Variants in IFIH1 observed in about 807,000 individuals in gnomAD.
IFIH1 encodes the protein interferon induced with helicase C domain 1, also known as interferon-induced helicase C domain-containing protein 1.
A neutral mutation model predicts 107.4 loss-of-function variants in IFIH1; 125 were observed. The ratio of observed to expected loss-of-function variants is 1.16; its 90% confidence interval spans 1.01 to 1.35. The LOEUF (loss-of-function observed/expected upper bound fraction) is 1.35. Ranked by LOEUF, IFIH1 falls within the 40% of genes most tolerant of loss-of-function variation. The pLI is 0.00. For missense variants in IFIH1, 1,333 were observed against 1,213.7 expected (o/e 1.10, Z -1.46); for synonymous variants, 458 against 413.2 (o/e 1.11, Z -1.31).
intron 3 of IFIH1, among the ~76,000 whole-genome samples, chr2:162,301,977 C>A (rs1683201052): frequency 6.6e-6 from 1 of 152,090 alleles, no homozygotes; most frequent in South Asian, 2.1e-4. Flanking sequence ...AATTACTAAC[C>A]ACTTTTTTAA....
chr2:162,299,348 T>C (rs73971815), intron 3 of IFIH1, among the ~76,000 whole-genome samples: 22,425 of 152,130 alleles, frequency 0.15, 3,994 homozygotes, highest in African/African-American at 0.4. Context: ...TGGTAAGCAC[T>C]TTTCAGGAAA....
chr2:162,302,089 A>T (rs1485285012), intron 3 of IFIH1, among the ~76,000 whole-genome samples: 3 of 152,146 alleles, frequency 2.0e-5, no homozygotes, highest in African/African-American at 7.2e-5. Flanking sequence ...AGAACAATCC[A>T]CTAGAGAACT....
chr2:162,288,242 G>C lies in IFIH1; in HGVS notation c.988C>G (p.Pro330Ala). The C allele has an allele frequency of 6.2e-7, 1 of 1,612,706 alleles. No individual in the cohort carries two copies. The highest frequency in any genetic ancestry group is 8.5e-7 in the Non-Finnish European group (1 of 1,179,144). Residue 330 changes from proline (P) to alanine (A), a missense_variant, in exon 5 of 16, where the codon CCT becomes GCT. Physicochemically the swap from Pro to Ala is conservative, Grantham distance 27 (BLOSUM62 -1). Coordinates refer to ENST00000649979, the MANE Select transcript of IFIH1 (RefSeq NM_022168.4). ...ACTCTGGTTTTTCCACTCCCTGTAG[G>C]GAGGCAGATGATGATATTCTTCCCT... is the stretch of plus-strand genomic sequence containing the variant. Reference protein sequence around the residue: ...LEGKNIIICLPTGSGKTRVAV... With the variant: ...LEGKNIIICLATGSGKTRVAV...
At position 162,267,135 on chromosome 2, in the gene IFIH1, T is replaced by C. The variant is rs1428828552; in HGVS notation, c.*65A>G. ...TATGTCAGTTCTGTAGCATAATGAA[T>C]ACATTAATCATAATCATATTAAATG... On this transcript the variant is annotated 3_prime_UTR_variant, in exon 16 of 16. Transcript: ENST00000649979. 4.4e-6 allele frequency: 5 copies of C among 1,149,060 alleles called. No individual in the cohort carries two copies. The highest frequency in any genetic ancestry group is 6.2e-6 in the Non-Finnish European group (5 of 804,764). 71.2% of individuals were successfully genotyped at this position (1,149,060 alleles called of 1,614,324 possible).
chr2:162,286,095 C>A (rs1311830068), intron 5 of IFIH1, among the ~76,000 whole-genome samples: 1 of 151,782 alleles, frequency 6.6e-6, no homozygotes, highest in East Asian at 1.9e-4. Context: ...TTAAGAGTGT[C>A]CCAGAAAAAT....
chr2:162,276,439 C>CA (rs1212207643), intron 11 of IFIH1, among the ~76,000 whole-genome samples: 1 of 151,818 alleles, frequency 6.6e-6, no homozygotes, highest in East Asian at 1.9e-4. Flanking sequence ...ACCTTTTCTA[C>CA]AAAAAAGATA....
At chr2:162,286,414 G>C (rs911345882) in intron 5 of IFIH1, among the ~76,000 whole-genome samples, 2 of 151,880 alleles carry the variant, frequency 1.3e-5, no homozygotes, top group African/African-American at 4.8e-5. Context: ...CTTGATATTA[G>C]GAAGTTACCC....
chr2:162,306,787 G>T lies in IFIH1; in HGVS notation c.691C>A (p.Pro231Thr), dbSNP rs749404410. Residue 231 changes from proline to threonine, a missense_variant, in exon 3 of 16, where the codon CCA becomes ACA. Transcript: ENST00000649979. The stretch of plus-strand genomic sequence containing the variant: ...CCCCAGACCTCCTTCTCCAGATTTG[G>T]CTGAACTGTGGTTGAAAGAAGTTGC... ...EEQLLSTTVQ[P>T]NLEKEVWGME... The T allele has an allele frequency of 7.4e-6, 12 of 1,613,682 alleles. 1 individual carries two copies. The East Asian group carries it at 2.7e-4, about 36-fold the overall frequency.
chr2:162,267,971 G>C, intron 14 of IFIH1, 116 bp downstream of exon 14: 1 of 663,742 alleles, frequency 1.5e-6, no homozygotes. Context: ...AGAGGCTAAA[G>C]GAGAGGAAGT....
intron 2 of IFIH1, 33 bp from the exon 3 acceptor site, chr2:162,306,888 G>A: frequency 6.2e-7 from 1 of 1,605,012 alleles, no homozygotes; most frequent in South Asian, 1.1e-5. Flanking sequence ...GCAAATCATA[G>A]TGCCATACAA....
In IFIH1 at chr2:162,276,918, A is replaced by T. The variant is rs1682679580; in HGVS notation, c.2073T>A (p.Ala691=). 6.2e-7 allele frequency: 1 copy of T among 1,607,022 alleles called. No homozygotes were observed. ...FENNKMLKRL[A]ENPEYENEKL... ...TTTCATTTTCATATTCTGGGTTTTC[A>T]GCCAGCCTTTTCAACATTTTATTGT... The change falls in exon 11 of 16, where the codon GCT becomes GCA. Residue 691 remains alanine (A), a synonymous_variant. Transcript: ENST00000649979.
rs1027597392 is a variant in IFIH1, at chr2:162,268,368, G to T, written c.2617-91C>A. ...AGTCTCCTGAAATTTGGAGGTCTTA[G>T]TTGTGAAAATATACCCTTAGCTTAT... On this transcript the variant is annotated intron_variant, in intron 13 of 15. Coordinates refer to ENST00000649979, the MANE Select transcript of IFIH1 (RefSeq NM_022168.4). The T allele has an allele frequency of 2.8e-5, 22 of 796,878 alleles. No homozygotes were observed. The African/African-American group carries it at 3.6e-4, about 13-fold the overall frequency. The allele number at this position is 796,878 out of a possible 1,614,324, so 49.4% of individuals were successfully genotyped here. A position where few individuals can be genotyped will look rare whatever the true frequency, so the allele number is the denominator to read the frequency against.
chr2:162,318,188 T>C lies in IFIH1; in HGVS notation c.120A>G (p.Ala40=), dbSNP rs1457696189. The C allele has an allele frequency of 1.2e-6, 2 of 1,614,200 alleles. No individual in the cohort carries two copies. The highest frequency in any genetic ancestry group is 1.7e-6 in the Non-Finnish European group (2 of 1,180,032). ...PVLDYLTFLP[A]EVKEQIQRTV... ...TCCTCTGAATCTGCTCCTTCACCTC[T>C]GCAGGCAGAAAGGTCAGGTAGTCCA... The change falls in exon 1 of 16, where the codon GCA becomes GCG. Residue 40 remains alanine (A), a synonymous_variant. Transcript: ENST00000649979.
chr2:162,271,229 A>G (rs1279110482), intron 13 of IFIH1, among the ~76,000 whole-genome samples: 1 of 152,078 alleles, frequency 6.6e-6, no homozygotes, highest in African/African-American at 2.4e-5. Flanking sequence ...CTTCTAAGAG[A>G]CCTTCCTCAA....
chr2:162,297,923 T>C (rs1438681290), intron 3 of IFIH1, among the ~76,000 whole-genome samples: 5 of 152,144 alleles, frequency 3.3e-5, no homozygotes, highest in Non-Finnish European at 1.5e-5. Context: ...TCTTGAGTAT[T>C]TTGCTAATAA....
rs901388893 is a variant in IFIH1 at position 162,300,428 on chromosome 2, A to G, written c.769+6281T>C. ...GGAGATTTCTTTCTGTCTTTCTGTC[A>G]TAATATTTATGTCCCCATTCCTGAG... On this transcript the variant is annotated intron_variant, in intron 3 of 15. Coordinates refer to ENST00000649979, the MANE Select transcript of IFIH1 (RefSeq NM_022168.4). Among the ~76,000 whole-genome samples the G allele has an allele frequency of 2.0e-5, 3 of 152,198 alleles. 1 individual carries two copies. The highest frequency in any genetic ancestry group is 7.2e-5 in the African/African-American group (3 of 41,464).
rs1683564574 is a variant in IFIH1 at position 162,318,632 on chromosome 2, T to G, written c.-325A>C. The G allele has an allele frequency of 5.5e-6, 1 of 180,424 alleles. No individual in the cohort carries two copies. The highest frequency in any genetic ancestry group is 1.1e-5 in the Non-Finnish European group (1 of 87,204). 11.2% of individuals were successfully genotyped at this position (180,424 alleles called of 1,614,324 possible). ...GGACCGGGGCGATCCTGCTGCACACTCGGGTAGGAGCTTTGAGTCCAGCTT... is the reference window on the plus strand; with the variant it reads ...GGACCGGGGCGATCCTGCTGCACACGCGGGTAGGAGCTTTGAGTCCAGCTT... On this transcript the variant is annotated 5_prime_UTR_variant, in exon 1 of 16. Coordinates refer to ENST00000649979, the MANE Select transcript of IFIH1 (RefSeq NM_022168.4).
intron 13 of IFIH1, among the ~76,000 whole-genome samples, chr2:162,268,531 G>A (rs1258694291): frequency 2.6e-5 from 4 of 152,112 alleles, no homozygotes; most frequent in Non-Finnish European, 5.9e-5. Context: ...TCTATTGTGA[G>A]AAAGTCCTTA....
chr2:162,276,826 A>G lies in IFIH1; in HGVS notation c.2165T>C (p.Ile722Thr). The G allele has an allele frequency of 6.2e-7, 1 of 1,613,996 alleles. No homozygotes were observed. The highest frequency in any genetic ancestry group is 8.5e-7 in the Non-Finnish European group (1 of 1,179,922). The change falls in exon 11 of 16, where the codon ATA becomes ACA. Residue 722 changes from isoleucine (I) to threonine (T), a missense_variant. Coordinates refer to ENST00000649979, the MANE Select transcript of IFIH1 (RefSeq NM_022168.4). The part of the protein sequence containing the change: ...YTRTEESARG[I>T]IFTKTRQSAY... ...ACTCTGTCGTGTTTTTGTAAAGATT[A>G]TTCCTCGTGCTGATTCCTCAGTCCT...
Sources: gnomAD v4.1 joint callset for allele counts (sites outside exome capture counted in the v4.1 genomes callset) on GRCh38, gnomAD v4.1.1 for gene constraint, MANE v1.5 for transcripts, NCBI Gene and HGNC (gene_info 2026-07-23, HGNC 2026-07-21) for gene names.